Variants in PRKX observed in about 807,000 individuals in gnomAD.
PRKX encodes the protein cAMP-dependent protein kinase catalytic subunit PRKX.
In PRKX, 12 loss-of-function variants were observed where a neutral mutation model predicts 22.0. That is an observed-to-expected ratio of 0.54 (90% CI 0.35 to 0.88). PRKX has a LOEUF of 0.88. Among genes scored for constraint, PRKX ranks in the 40% least tolerant of loss-of-function variants. The pLI, the probability that PRKX is intolerant of heterozygous loss-of-function variation, is 0.01. For missense variants in PRKX, 217 were observed against 308.0 expected (o/e 0.70, Z 2.21); for synonymous variants, 134 against 137.7 (o/e 0.97, Z 0.19).
At chrX:3,688,156 T>C (rs1437219308) in intron 1 of PRKX, among the ~76,000 whole-genome samples, 1 of 101,481 alleles carries the variant, frequency 9.9e-6, no homozygotes, top group African/African-American at 3.7e-5. Flanking sequence ...ACAAAAAAGG[T>C]AAAACCCAGC....
At chrX:3,645,927 C>G (rs147090358) in intron 3 of PRKX, among the ~76,000 whole-genome samples, 1,801 of 111,178 alleles carry the variant, frequency 0.016, 38 homozygotes, top group African/African-American at 0.056. Context: ...GAGGAAGACC[C>G]TATTCTGAAA....
chrX:3,642,891 C>T (rs993823031), intron 3 of PRKX, among the ~76,000 whole-genome samples: 2 of 104,827 alleles, frequency 1.9e-5, no homozygotes, highest in South Asian at 4.5e-4. Flanking sequence ...CAAGCTACTC[C>T]GGAGGCTGAG....
At chrX:3,638,095 T>C (rs1259439006) in intron 4 of PRKX, among the ~76,000 whole-genome samples, 2 of 111,627 alleles carry the variant, frequency 1.8e-5, no homozygotes, top group African/African-American at 6.5e-5. Context: ...TAATGATTTA[T>C]TACATTACAA....
At chrX:3,694,222 A>G (rs1928398702) in intron 1 of PRKX, among the ~76,000 whole-genome samples, 1 of 107,603 alleles carries the variant, frequency 9.3e-6, no homozygotes, top group Non-Finnish European at 1.9e-5. Context: ...TCCCGTCTCC[A>G]CTAAAAATAT....
intron 3 of PRKX, among the ~76,000 whole-genome samples, chrX:3,645,798 GT>G (rs1283953782): frequency 8.9e-6 from 1 of 111,832 alleles, no homozygotes; most frequent in Non-Finnish European, 1.9e-5. Context: ...GCCAGTCATG[GT>G]GGCTCACACC....
intron 3 of PRKX, among the ~76,000 whole-genome samples, chrX:3,650,967 T>C (rs1437779823): frequency 9.4e-6 from 1 of 106,623 alleles, no homozygotes; most frequent in Non-Finnish European, 1.9e-5. Context: ...CACGATACAG[T>C]GGTGAATTTC....
chrX:3,663,686 G>A (rs1461966542), intron 2 of PRKX, among the ~76,000 whole-genome samples: 1 of 107,620 alleles, frequency 9.3e-6, no homozygotes. Flanking sequence ...TACAGTGAAT[G>A]CAGAGTCAAA....
chrX:3,705,560 T>C (rs1019195904), intron 1 of PRKX, among the ~76,000 whole-genome samples: 2 of 111,823 alleles, frequency 1.8e-5, no homozygotes, highest in African/African-American at 6.5e-5. Context: ...ACACTGGGCT[T>C]ACCAGGAAGC....
At chrX:3,661,988 A>G (rs1927604793) in intron 2 of PRKX, among the ~76,000 whole-genome samples, 1 of 112,161 alleles carries the variant, frequency 8.9e-6, no homozygotes, top group Non-Finnish European at 1.9e-5. Flanking sequence ...TCAACACATT[A>G]ATCAGTAACT....
intron 1 of PRKX, among the ~76,000 whole-genome samples, chrX:3,684,244 T>A (rs1469575135): frequency 2.7e-5 from 3 of 112,013 alleles, no homozygotes. Context: ...AGAGCGAGAC[T>A]CCGTCTCAAA....
intron 1 of PRKX, among the ~76,000 whole-genome samples, chrX:3,694,322 AG>A (rs1332098908): frequency 2.7e-5 from 3 of 110,701 alleles, no homozygotes; most frequent in Non-Finnish European, 5.7e-5. Context: ...CGGGAGGCAG[AG>A]GTTACAGTGA....
intron 1 of PRKX, among the ~76,000 whole-genome samples, chrX:3,689,127 C>T (rs896167839): frequency 4.5e-5 from 5 of 112,212 alleles, no homozygotes; most frequent in East Asian, 5.6e-4. Context: ...GTGAAACCGA[C>T]GCATTGCATT....
chrX:3,645,924 A>C (rs750290646), intron 3 of PRKX, among the ~76,000 whole-genome samples: 113 of 111,532 alleles, frequency 1.0e-3, no homozygotes, highest in African/African-American at 3.4e-3. Context: ...ACAGAGGAAG[A>C]CCCTATTCTG....
intron 1 of PRKX, among the ~76,000 whole-genome samples, chrX:3,694,804 T>C (rs12392684): frequency 0.46 from 47,131 of 102,512 alleles, 8,274 homozygotes; most frequent in African/African-American, 0.64. Context: ...CAGGCACAGA[T>C]GAGAAGGCCA....
intron 1 of PRKX, among the ~76,000 whole-genome samples, chrX:3,693,921 C>T (rs765755082): frequency 1.4e-5 from 1 of 69,267 alleles, no homozygotes; most frequent in African/African-American, 6.2e-5. Context: ...GCCTGGACAA[C>T]AGAGGGAGAC....
At chrX:3,689,882 C>T (rs1382922512) in intron 1 of PRKX, among the ~76,000 whole-genome samples, 2 of 110,879 alleles carry the variant, frequency 1.8e-5, no homozygotes, top group Non-Finnish European at 3.8e-5. Flanking sequence ...GAGGCTGGGG[C>T]AGGAGGATGG....
chrX:3,666,493 G>A (rs1207182688), intron 2 of PRKX, among the ~76,000 whole-genome samples: 3 of 111,582 alleles, frequency 2.7e-5, no homozygotes, highest in South Asian at 3.7e-4. Flanking sequence ...AAATGAGGCC[G>A]GGCATGGACG....
intron 1 of PRKX, 63 bp downstream of exon 1, chrX:3,713,022 CCTA>C: frequency 2.7e-6 from 3 of 1,098,772 alleles, no homozygotes; most frequent in South Asian, 2.1e-5. Context: ...GGCCCTTTGT[CCTA>C]CTACAACGTC....
chrX:3,677,339 T>A (rs1444520189), intron 1 of PRKX, among the ~76,000 whole-genome samples: 2 of 105,332 alleles, frequency 1.9e-5, no homozygotes, highest in South Asian at 8.7e-4. Flanking sequence ...TTTTTTTTTT[T>A]TTTTTTTGAG....
Sources: allele counts gnomAD v4.1 joint callset (sites outside exome capture counted in the v4.1 genomes callset), GRCh38; gene constraint gnomAD v4.1.1; transcripts MANE v1.5; gene names NCBI Gene and HGNC (gene_info 2026-07-23, HGNC 2026-07-21).